Variants in WWOX observed in about 807,000 individuals in gnomAD.
WWOX encodes WW domain containing oxidoreductase.
In WWOX, 69 loss-of-function variants were observed where a neutral mutation model predicts 46.2. The ratio of observed to expected loss-of-function variants is 1.49; its 90% confidence interval spans 1.23 to 1.82. The LOEUF is 1.82. Ranked by LOEUF, WWOX falls within the 40% of genes most tolerant of loss-of-function variation. The pLI, the probability that WWOX is intolerant of heterozygous loss-of-function variation, is 0.00. For synonymous variants in WWOX, 359 were observed against 202.6 expected (o/e 1.77, Z -6.56); for missense variants, 919 against 542.6 (o/e 1.69, Z -6.89).
chr16:78,366,045 A>G (rs553053384), intron 5 of WWOX, among the ~76,000 whole-genome samples: 119 of 152,220 alleles, frequency 7.8e-4, no homozygotes, highest in Admixed American at 1.2e-3. Flanking sequence ...CAGGGAATAC[A>G]TCTTTCGGCC....
intron 7 of WWOX, among the ~76,000 whole-genome samples, chr16:78,428,365 C>T (rs896348422): frequency 6.6e-6 from 1 of 152,124 alleles, no homozygotes; most frequent in Non-Finnish European, 1.5e-5. Context: ...AGAAGCTGGC[C>T]CACCCTTGCC....
At chr16:78,490,420 T>G (rs1944404234) in intron 8 of WWOX, among the ~76,000 whole-genome samples, 1 of 152,228 alleles carries the variant, frequency 6.6e-6, no homozygotes, top group African/African-American at 2.4e-5. Flanking sequence ...TGATTTGGAC[T>G]CCTTTGGTGC....
At chr16:78,295,491 C>T (rs1389737773) in intron 5 of WWOX, among the ~76,000 whole-genome samples, 1 of 152,148 alleles carries the variant, frequency 6.6e-6, no homozygotes, top group Non-Finnish European at 1.5e-5. Flanking sequence ...GTGGGTGGAT[C>T]ACCTGAAGTC....
chr16:78,597,322 G>A (rs2045514942), intron 8 of WWOX, among the ~76,000 whole-genome samples: 1 of 152,024 alleles, frequency 6.6e-6, no homozygotes, highest in African/African-American at 2.4e-5. Flanking sequence ...ACTGTGTGCC[G>A]GGCACTGTAC....
intron 6 of WWOX, among the ~76,000 whole-genome samples, chr16:78,413,652 C>G (rs140725699): frequency 6.6e-6 from 1 of 151,554 alleles, no homozygotes; most frequent in African/African-American, 2.4e-5. Flanking sequence ...TGGATGCATA[C>G]GAGCAGGTCA....
At chr16:78,365,204 G>A (rs181139451) in intron 5 of WWOX, among the ~76,000 whole-genome samples, 11 of 152,200 alleles carry the variant, frequency 7.2e-5, no homozygotes, top group African/African-American at 2.2e-4. Flanking sequence ...TTTAGTGCCT[G>A]CCAAGAGTAA....
intron 8 of WWOX, among the ~76,000 whole-genome samples, chr16:79,117,334 A>G (rs369952166): frequency 5.3e-5 from 8 of 152,194 alleles, no homozygotes; most frequent in East Asian, 1.9e-4. Flanking sequence ...AAAGGAATAC[A>G]AATTTTTTCC....
At chr16:79,145,208 A>T (rs538881846) in intron 8 of WWOX, among the ~76,000 whole-genome samples, 1 of 152,326 alleles carries the variant, frequency 6.6e-6, no homozygotes, top group East Asian at 1.9e-4. Flanking sequence ...TATTACAGCA[A>T]CCAATTAAAG....
intron 8 of WWOX, among the ~76,000 whole-genome samples, chr16:79,052,170 C>G (rs2048180394): frequency 6.6e-6 from 1 of 152,038 alleles, no homozygotes; most frequent in South Asian, 2.1e-4. Context: ...GGTATATCTC[C>G]CAATGCTATC....
chr16:78,447,301 A>C (rs1271032950), intron 8 of WWOX, among the ~76,000 whole-genome samples: 1 of 146,150 alleles, frequency 6.8e-6, no homozygotes, highest in African/African-American at 2.6e-5. Flanking sequence ...TACTGTAATA[A>C]ATTTTTTCTT....
At chr16:79,109,020 G>T (rs1490009329) in intron 8 of WWOX, among the ~76,000 whole-genome samples, 2 of 151,920 alleles carry the variant, frequency 1.3e-5, no homozygotes, top group African/African-American at 4.8e-5. Flanking sequence ...CTTGGCAGAT[G>T]CAAGCTCAGA....
At position 79,212,084 on chromosome 16, in the gene WWOX, C is replaced by G; in HGVS notation, c.*288C>G. The G allele has an allele frequency of 1.3e-6, 2 of 1,536,278 alleles. No homozygotes were observed. Among genetic ancestry groups the G allele is most frequent in the Non-Finnish European group, 1.7e-6 (2 of 1,146,926 alleles). On this transcript the variant is annotated 3_prime_UTR_variant, in exon 9 of 9. Coordinates refer to ENST00000566780, the MANE Select transcript of WWOX (RefSeq NM_016373.4). ...CTTGGTGTGTAGGTTCCGTATCTCC[C>G]TGGAGAAGCACCAGCAATTCTCTTT...
At chr16:78,925,269 T>C (rs552830974) in intron 8 of WWOX, among the ~76,000 whole-genome samples, 1 of 152,338 alleles carries the variant, frequency 6.6e-6, no homozygotes, top group African/African-American at 2.4e-5. Context: ...TGATCATTGC[T>C]GCCACTGGGT....
rs1344741271 is a variant in WWOX, at chr16:78,348,451, A to G, written c.517-38409A>G. Reference sequence around the variant, plus strand: ...GCCAAAGAGCTCGATACATATACTGATGCGGTGTTTATTTTATTTTAGTTT... The same window carrying G: ...GCCAAAGAGCTCGATACATATACTGGTGCGGTGTTTATTTTATTTTAGTTT... On this transcript the variant is annotated intron_variant, in intron 5 of 8. Coordinates refer to ENST00000566780, the MANE Select transcript of WWOX (RefSeq NM_016373.4). Among the ~76,000 whole-genome samples the G allele has an allele frequency of 3.3e-5, 4 of 120,692 alleles. 2 individuals are homozygous for G. The highest frequency in any genetic ancestry group is 1.1e-4 in the African/African-American group (4 of 35,474). The allele number at this position is 120,692 out of a possible 152,430, so 79.2% of individuals were successfully genotyped here. A position where few individuals can be genotyped will look rare whatever the true frequency, so the allele number is the denominator to read the frequency against.
intron 5 of WWOX, among the ~76,000 whole-genome samples, chr16:78,201,054 C>A (rs550584689): frequency 1.3e-5 from 2 of 152,220 alleles, no homozygotes; most frequent in African/African-American, 4.8e-5. Flanking sequence ...ATGACCATTT[C>A]TGGTCTTTTA....
Position 78,287,419 on chromosome 16 carries a change from C to G in WWOX, c.517-99441C>G, listed in dbSNP as rs550578404. ...AGTTTTGGCAAATAGAAAATTCATCCAGGGCCACAAAAAATATCTATAATT... is the reference window on the plus strand; with the variant it reads ...AGTTTTGGCAAATAGAAAATTCATCGAGGGCCACAAAAAATATCTATAATT... On this transcript the variant is annotated intron_variant, in intron 5 of 8. Coordinates refer to ENST00000566780, the MANE Select transcript of WWOX (RefSeq NM_016373.4). 3.3e-5 allele frequency among the ~76,000 whole-genome samples: 5 copies of G among 152,216 alleles called. No homozygotes were observed. The South Asian group carries it at 8.3e-4, about 25-fold the overall frequency.
intron 8 of WWOX, among the ~76,000 whole-genome samples, chr16:79,097,562 A>G (rs1477315652): frequency 6.6e-6 from 1 of 152,108 alleles, no homozygotes; most frequent in East Asian, 1.9e-4. Flanking sequence ...ATTAGGAAAA[A>G]ACATAACCCT....
intron 8 of WWOX, among the ~76,000 whole-genome samples, chr16:78,714,769 G>A (rs1369357309): frequency 6.6e-6 from 1 of 152,180 alleles, no homozygotes; most frequent in Admixed American, 6.5e-5. Context: ...TGAGAGGTGT[G>A]CATGGGTCTG....
chr16:79,091,685 A>G (rs1191003730), intron 8 of WWOX, among the ~76,000 whole-genome samples: 2 of 152,076 alleles, frequency 1.3e-5, no homozygotes, highest in Non-Finnish European at 2.9e-5. Flanking sequence ...TCTTCGTTAA[A>G]GCAGCTCGCC....
Sources: gnomAD v4.1 joint callset for allele counts (sites outside exome capture counted in the v4.1 genomes callset) on GRCh38, gnomAD v4.1.1 for gene constraint, MANE v1.5 for transcripts, NCBI Gene and HGNC (gene_info 2026-07-23, HGNC 2026-07-21) for gene names.